BRINP1: variants seen among roughly 807,000 people sequenced by gnomAD.
The protein encoded by BRINP1 is BMP/retinoic acid-inducible neural-specific protein 1.
Under a neutral mutation model 72.9 loss-of-function variants are expected in BRINP1, and 17 were observed. The observed-to-expected ratio is 0.23, with a 90% CI of 0.16 to 0.35. The LOEUF (loss-of-function observed/expected upper bound fraction) is 0.35, where lower values mean the gene tolerates loss of function less well. BRINP1 is among the 10% of genes least tolerant of loss of function. The probability of loss-of-function intolerance (pLI) is 1.00; values close to 1 mark genes in which losing one functional copy is unlikely to be tolerated. For synonymous variants in BRINP1, 418 were observed against 378.5 expected (o/e 1.10, Z -1.21); for missense variants, 850 against 1,001.6 (o/e 0.85, Z 2.04).
intron 5 of BRINP1, among the ~76,000 whole-genome samples, chr9:119,222,426 G>A (rs1028453453): frequency 2.6e-5 from 4 of 152,004 alleles, no homozygotes. Flanking sequence ...GGCCCACAAA[G>A]CCTAAAATAT....
chr9:119,296,683 T>C (rs1327208124), intron 2 of BRINP1, among the ~76,000 whole-genome samples: 1 of 152,118 alleles, frequency 6.6e-6, no homozygotes, highest in East Asian at 1.9e-4. Context: ...TATTCAACCT[T>C]TAAAAAGAAA....
intron 2 of BRINP1, among the ~76,000 whole-genome samples, chr9:119,270,254 A>C (rs1219941357): frequency 6.6e-6 from 1 of 152,186 alleles, no homozygotes; most frequent in East Asian, 1.9e-4. Flanking sequence ...GACTACTGTA[A>C]AGATGTTGGG....
intron 1 of BRINP1, among the ~76,000 whole-genome samples, chr9:119,323,305 G>A (rs990088385): frequency 6.6e-6 from 1 of 152,182 alleles, no homozygotes; most frequent in Non-Finnish European, 1.5e-5. Context: ...AATCTAAAGA[G>A]AGGCAGGCTG....
At chr9:119,319,391 G>A (rs116532398) in intron 1 of BRINP1, among the ~76,000 whole-genome samples, 1,569 of 152,220 alleles carry the variant, frequency 0.01, 24 homozygotes, top group African/African-American at 0.03. Flanking sequence ...ACAGTAATCC[G>A]CAGAGCACCA....
intron 2 of BRINP1, among the ~76,000 whole-genome samples, chr9:119,277,393 C>T (rs1830668294): frequency 6.6e-6 from 1 of 152,132 alleles, no homozygotes; most frequent in Admixed American, 6.5e-5. Context: ...TGAATGTATT[C>T]CTCGCTTCCT....
intron 1 of BRINP1, among the ~76,000 whole-genome samples, chr9:119,356,115 C>G (rs1378023797): frequency 1.3e-5 from 2 of 150,924 alleles, no homozygotes; most frequent in Non-Finnish European, 3.0e-5. Context: ...CCACTTCAGT[C>G]ACACTGGTTT....
chr9:119,275,186 C>A (rs1468437317), intron 2 of BRINP1, among the ~76,000 whole-genome samples: 1 of 152,038 alleles, frequency 6.6e-6, no homozygotes, highest in Non-Finnish European at 1.5e-5. Flanking sequence ...GAAAATGTAT[C>A]TATTTTTGTT....
intron 1 of BRINP1, among the ~76,000 whole-genome samples, chr9:119,347,106 A>T (rs1235488312): frequency 6.6e-6 from 1 of 152,174 alleles, no homozygotes; most frequent in Admixed American, 6.5e-5. Context: ...AAAGGCTTGG[A>T]ATTAATGCCT....
intron 7 of BRINP1, among the ~76,000 whole-genome samples, chr9:119,168,632 G>A (rs540048766): frequency 1.4e-4 from 22 of 152,154 alleles, no homozygotes; most frequent in Non-Finnish European, 2.8e-4. Context: ...AAAGACCTTA[G>A]GGGTTATTTG....
At chr9:119,355,226 T>C (rs1831548941) in intron 1 of BRINP1, among the ~76,000 whole-genome samples, 1 of 152,252 alleles carries the variant, frequency 6.6e-6, no homozygotes, top group Admixed American at 6.5e-5. Context: ...ATACATCATA[T>C]AAAATAATCA....
intron 7 of BRINP1, among the ~76,000 whole-genome samples, chr9:119,195,244 T>G (rs886619908): frequency 6.6e-6 from 1 of 152,192 alleles, no homozygotes; most frequent in African/African-American, 2.4e-5. Flanking sequence ...GCCTGGCACT[T>G]AGTGAGTATT....
chr9:119,306,305 A>C (rs911689387), intron 2 of BRINP1, among the ~76,000 whole-genome samples: 9 of 152,200 alleles, frequency 5.9e-5, no homozygotes, highest in Non-Finnish European at 1.3e-4. Flanking sequence ...AATAATCAAC[A>C]CTAAAGATTA....
chr9:119,201,522 G>A (rs1342748753), intron 7 of BRINP1, among the ~76,000 whole-genome samples: 1 of 152,178 alleles, frequency 6.6e-6, no homozygotes, highest in African/African-American at 2.4e-5. Context: ...CTAAAGAGCT[G>A]CTCTCGTTTA....
intron 2 of BRINP1, among the ~76,000 whole-genome samples, chr9:119,291,315 G>A (rs992974098): frequency 1.3e-5 from 2 of 152,102 alleles, no homozygotes; most frequent in South Asian, 2.1e-4. Context: ...CTAACTTTAC[G>A]TGGTGAAGGG....
chr9:119,242,358 A>G, intron 3 of BRINP1, 142 bp from the exon 4 acceptor site: 1 of 696,984 alleles, frequency 1.4e-6, no homozygotes, highest in Non-Finnish European at 2.4e-6. Flanking sequence ...AATCAAAGGC[A>G]CAATGAAAAT....
At chr9:119,213,347 G>T (rs1192829213) in intron 6 of BRINP1, among the ~76,000 whole-genome samples, 4 of 152,162 alleles carry the variant, frequency 2.6e-5, no homozygotes, top group African/African-American at 9.7e-5. Context: ...TAGGAGCTTG[G>T]ATGACTGTCT....
At chr9:119,344,199 A>G (rs7036956) in intron 1 of BRINP1, among the ~76,000 whole-genome samples, 25,163 of 152,168 alleles carry the variant, frequency 0.17, 2,869 homozygotes, top group African/African-American at 0.33. Flanking sequence ...GATAATAACT[A>G]CATGCTACCT....
intron 1 of BRINP1, among the ~76,000 whole-genome samples, chr9:119,345,537 A>G (rs1831441036): frequency 6.6e-6 from 1 of 152,148 alleles, no homozygotes; most frequent in East Asian, 1.9e-4. Context: ...TGTCTGTTTC[A>G]TAGCAATACC....
chr9:119,328,322 T>G (rs1831260071), intron 1 of BRINP1, among the ~76,000 whole-genome samples: 2 of 152,136 alleles, frequency 1.3e-5, no homozygotes, highest in Non-Finnish European at 2.9e-5. Context: ...TGAAAGAGAT[T>G]AAGGCATGAA....
Sources: gnomAD v4.1 joint callset for allele counts (sites outside exome capture counted in the v4.1 genomes callset) on GRCh38, gnomAD v4.1.1 for gene constraint, MANE v1.5 for transcripts, NCBI Gene and HGNC (gene_info 2026-07-23, HGNC 2026-07-21) for gene names.